The following GRAMD1B variants were observed in gnomAD, a reference collection of about 807,000 sequenced individuals.
The protein encoded by GRAMD1B is GRAM domain containing 1B, also known as protein Aster-B.
GRAMD1B carries 37 observed loss-of-function variants against 99.7 expected under a neutral mutation model. The observed-to-expected ratio is 0.37, with a 90% CI of 0.29 to 0.49. GRAMD1B has a LOEUF of 0.49. GRAMD1B is among the 20% of genes least tolerant of loss of function. The pLI, the probability that GRAMD1B is intolerant of heterozygous loss-of-function variation, is 0.98. For synonymous variants in GRAMD1B, 427 were observed against 387.6 expected, an observed-to-expected ratio of 1.10 and a Z score of -1.19; for missense variants, 888 against 1,009.2, an observed-to-expected ratio of 0.88 and a Z score of 1.63.
At chr11:123,421,295 T>C (rs898680205) in intron 1 of GRAMD1B, among the ~76,000 whole-genome samples, 1 of 152,226 alleles carries the variant, frequency 6.6e-6, no homozygotes, top group Non-Finnish European at 1.5e-5. Context: ...TGTGTGGGCT[T>C]ATGAGGGAAT....
chr11:123,519,139 A>AGCAG (rs1378486716), intron 2 of GRAMD1B, among the ~76,000 whole-genome samples: 1 of 152,176 alleles, frequency 6.6e-6, no homozygotes, highest in East Asian at 1.9e-4. Flanking sequence ...GGTGTGCATA[A>AGCAG]GGGTACCAAG....
intron 2 of GRAMD1B, among the ~76,000 whole-genome samples, chr11:123,551,936 GCTC>G (rs1461732407): frequency 6.6e-6 from 1 of 152,074 alleles, no homozygotes; most frequent in Non-Finnish European, 1.5e-5. Flanking sequence ...ATATATGTAT[GCTC>G]CTACTACACT....
chr11:123,405,209 T>C (rs1199300072), intron 1 of GRAMD1B, among the ~76,000 whole-genome samples: 1 of 151,698 alleles, frequency 6.6e-6, no homozygotes, highest in Admixed American at 6.6e-5. Flanking sequence ...TGTGTGTGTG[T>C]GTGTGTGTGT....
At chr11:123,400,391 C>G (rs192455626) in intron 1 of GRAMD1B, among the ~76,000 whole-genome samples, 1 of 152,124 alleles carries the variant, frequency 6.6e-6, no homozygotes, top group Non-Finnish European at 1.5e-5. Context: ...ACAGGAAAAA[C>G]GCTTGAATCC....
chr11:123,558,900 A>G (rs931540806), intron 2 of GRAMD1B, among the ~76,000 whole-genome samples: 5 of 152,266 alleles, frequency 3.3e-5, no homozygotes, highest in Non-Finnish European at 7.3e-5. Flanking sequence ...TGGCCCTCCC[A>G]GAATGAGACA....
chr11:123,550,945 G>A (rs1290807), intron 2 of GRAMD1B, among the ~76,000 whole-genome samples: 31,786 of 152,104 alleles, frequency 0.21, 4,093 homozygotes, highest in Non-Finnish European at 0.28. Flanking sequence ...ACATTCTTTG[G>A]TGGTAATTAG....
chr11:123,392,073 A>G (rs779619491), intron 1 of GRAMD1B, among the ~76,000 whole-genome samples: 4 of 152,134 alleles, frequency 2.6e-5, no homozygotes, highest in African/African-American at 9.7e-5. Context: ...CCATTCATGG[A>G]TCCTGGGGGA....
intron 7 of GRAMD1B, chr11:123,599,017 A>G: frequency 9.0e-7 from 1 of 1,107,842 alleles, no homozygotes; most frequent in Non-Finnish European, 1.4e-6. Flanking sequence ...TACTTGAGGC[A>G]ACAGTCATGG....
intron 1 of GRAMD1B, among the ~76,000 whole-genome samples, chr11:123,457,080 C>G (rs758164087): frequency 2.6e-5 from 2 of 76,584 alleles, no homozygotes; most frequent in Non-Finnish European, 5.6e-5. Context: ...CCACTGCACT[C>G]TAACCTGGGT....
chr11:123,492,419 G>A lies in GRAMD1B; in HGVS notation c.452+11526G>A, dbSNP rs938926838. ...GTGTTCATTTCTATATCACCTCGTCGGGCACTTTGGTCTGACTCCAGAATT... is the reference window on the plus strand; with the variant it reads ...GTGTTCATTTCTATATCACCTCGTCAGGCACTTTGGTCTGACTCCAGAATT... On this transcript the variant is annotated intron_variant, in intron 2 of 19. Transcript: ENST00000635736. This position sits in a 1 kb window ranked among gnomAD's most constrained non-coding sequence, Gnocchi z 4.2. Among the ~76,000 whole-genome samples the A allele has an allele frequency of 2.6e-5, 4 of 152,022 alleles. No homozygotes were observed. Among genetic ancestry groups the A allele is most frequent in the Admixed American group, 2.0e-4 (3 of 15,262 alleles).
intron 3 of GRAMD1B, among the ~76,000 whole-genome samples, chr11:123,579,089 G>T (rs1465375287): frequency 6.6e-6 from 1 of 152,228 alleles, no homozygotes; most frequent in African/African-American, 2.4e-5. Flanking sequence ...AGAGGGTGGG[G>T]TGCCCATGCC....
intron 2 of GRAMD1B, among the ~76,000 whole-genome samples, chr11:123,560,947 C>A (rs559602256): frequency 6.6e-6 from 1 of 152,096 alleles, no homozygotes; most frequent in Non-Finnish European, 1.5e-5. Context: ...TCTGGGGATC[C>A]GAAAGCAGCC....
Position 123,513,885 on chromosome 11 carries a change from G to A in GRAMD1B, c.452+32992G>A, listed in dbSNP as rs1205244650. Among the ~76,000 whole-genome samples the A allele has an allele frequency of 2.6e-5, 4 of 151,834 alleles. No individual in the cohort carries two copies. The East Asian group carries it at 5.8e-4, about 22-fold the overall frequency. On this transcript the variant is annotated intron_variant, in intron 2 of 19. Transcript: ENST00000635736. ...TGCCCAGGCTGGTCTCGAACTCCTG[G>A]GCTCAAGCAATTCTGCCACCTTGGC...
rs868050939 is a variant in GRAMD1B at position 123,403,460 on chromosome 11, A to G, written c.-176+44661A>G. 5.2e-3 allele frequency among the ~76,000 whole-genome samples: 721 copies of G among 137,606 alleles called. 10 individuals are homozygous for G. The highest frequency in any genetic ancestry group is 0.017 in the African/African-American group (645 of 37,408). The allele number at this position is 137,606 out of a possible 152,430, so 90.3% of individuals were successfully genotyped here. On this transcript the variant is annotated intron_variant, in intron 1 of 20. Transcript: ENST00000638157. ...TGATGATGATGATGATAATAATAAT[A>G]ATAATAATAATAATAATAATAATAA...
At chr11:123,393,186 C>T (rs1027660133) in intron 1 of GRAMD1B, among the ~76,000 whole-genome samples, 4 of 152,176 alleles carry the variant, frequency 2.6e-5, no homozygotes, top group African/African-American at 7.2e-5. Flanking sequence ...GACTCCTATA[C>T]ATTAAGTAAT....
At chr11:123,546,851 A>T (rs1237788484) in intron 2 of GRAMD1B, among the ~76,000 whole-genome samples, 1 of 151,820 alleles carries the variant, frequency 6.6e-6, no homozygotes, top group Non-Finnish European at 1.5e-5. Flanking sequence ...CCACTTGTGC[A>T]TATTTCACAA....
intron 2 of GRAMD1B, among the ~76,000 whole-genome samples, chr11:123,561,681 C>G (rs1946783061): frequency 6.6e-6 from 1 of 152,220 alleles, no homozygotes; most frequent in African/African-American, 2.4e-5. Context: ...CTGGTACTTG[C>G]TAGCACACTG....
At chr11:123,504,663 C>T (rs555972542) in intron 2 of GRAMD1B, among the ~76,000 whole-genome samples, 1 of 152,246 alleles carries the variant, frequency 6.6e-6, no homozygotes, top group East Asian at 1.9e-4. Context: ...CCACTTCCAA[C>T]CAGATCAGTT....
intron 2 of GRAMD1B, chr11:123,559,785 G>A (rs1431246641): frequency 3.4e-6 from 2 of 589,118 alleles, no homozygotes; most frequent in East Asian, 1.4e-4. Flanking sequence ...CAGCTACACT[G>A]AAGAGGCCCT....
Sources: gnomAD v4.1 joint callset for allele counts (sites outside exome capture counted in the v4.1 genomes callset) on GRCh38, gnomAD v4.1.1 for gene constraint, Gnocchi (gnomAD v3.1) non-coding constraint, MANE v1.5 for transcripts, NCBI Gene and HGNC (gene_info 2026-07-23, HGNC 2026-07-21) for gene names.